FAM114A1: variants seen among roughly 807,000 people sequenced by gnomAD.
The protein encoded by FAM114A1 is family with sequence similarity 114 member A1, also known as protein NOXP20.
Under a neutral mutation model 64.3 loss-of-function variants are expected in FAM114A1, and 62 were observed. The ratio of observed to expected loss-of-function variants is 0.96; its 90% CI spans 0.79 to 1.19. The LOEUF (loss-of-function observed/expected upper bound fraction) is 1.19, where lower values mean the gene tolerates loss of function less well. FAM114A1 is among the 50% of genes most tolerant of loss of function. The pLI, the probability that FAM114A1 is intolerant of heterozygous loss-of-function variation, is 0.00. For synonymous variants in FAM114A1, 254 were observed against 251.1 expected, an observed-to-expected ratio of 1.01 and a Z score of -0.11; for missense variants, 645 against 676.3, an observed-to-expected ratio of 0.95 and a Z score of 0.51.
At chr4:38,931,883 C>T (rs529643856) in intron 11 of FAM114A1, among the ~76,000 whole-genome samples, 58 of 152,206 alleles carry the variant, frequency 3.8e-4, no homozygotes, top group African/African-American at 1.3e-3. Flanking sequence ...TAAACCTGGG[C>T]GGTGGAGGTT....
chr4:38,922,792 T>C lies in FAM114A1; in HGVS notation c.968T>C (p.Leu323Pro). ...CAGGTTCAGTCATTTTTAGCATCAC[T>C]TGATGGAGAGAAGCTGGAACTCTTA... ...ESKVQSFLAS[L>P]DGEKLELLKN... Residue 323 changes from leucine to proline, a missense_variant, in exon 9 of 15, where the codon CTT becomes CCT. Physicochemically the swap from Leu to Pro is moderately conservative, Grantham distance 98. Coordinates refer to ENST00000358869, the MANE Select transcript of FAM114A1 (RefSeq NM_138389.4). The C allele has an allele frequency of 1.2e-5, 19 of 1,612,332 alleles. No individual in the cohort carries two copies. Among genetic ancestry groups the C allele is most frequent in the Non-Finnish European group, 1.6e-5 (19 of 1,179,610 alleles).
At position 38,908,503 on chromosome 4, in the gene FAM114A1, G is replaced by A. The variant is rs931594773; in HGVS notation, c.658-89G>A. On this transcript the variant is annotated intron_variant, in intron 6 of 14. Coordinates refer to ENST00000358869, the MANE Select transcript of FAM114A1 (RefSeq NM_138389.4). ...TGACTTTATATTGATTTTAATATTT[G>A]AAGATAGTGCCAGTTACCTAGGAGT... 7.8e-6 allele frequency: 10 copies of A among 1,279,738 alleles called. No individual in the cohort carries two copies. In the African/African-American group the frequency reaches 1.2e-4, roughly 15 times the overall value. 79.3% of individuals were successfully genotyped at this position (1,279,738 alleles called of 1,614,324 possible). A position where few individuals can be genotyped will look rare whatever the true frequency, so the allele number is the denominator to read the frequency against.
intron 2 of FAM114A1, among the ~76,000 whole-genome samples, chr4:38,871,086 C>CTTTTTT (rs9306968): frequency 1.6e-4 from 15 of 94,036 alleles, no homozygotes; most frequent in South Asian, 6.8e-4. Flanking sequence ...TTTTTTCTTT[C>CTTTTTT]TTTTTTTTTT....
At chr4:38,943,085 C>T (rs181565505) in intron 14 of FAM114A1, among the ~76,000 whole-genome samples, 11 of 151,450 alleles carry the variant, frequency 7.3e-5, no homozygotes, top group South Asian at 2.1e-4. Context: ...CCCAGCTACT[C>T]GAGAGGCTGA....
At chr4:38,899,082 C>T (rs1313711598) in intron 4 of FAM114A1, among the ~76,000 whole-genome samples, 2 of 150,606 alleles carry the variant, frequency 1.3e-5, no homozygotes, top group African/African-American at 4.9e-5. Flanking sequence ...TACTATGCAG[C>T]CATTAAAAAG....
At position 38,908,740 on chromosome 4, in the gene FAM114A1, C is replaced by T. The variant is rs756922787; in HGVS notation, c.792+14C>T. On this transcript the variant is annotated intron_variant, in intron 7 of 14. Coordinates refer to ENST00000358869, the MANE Select transcript of FAM114A1 (RefSeq NM_138389.4). ...TCCTTGTCTCAGGTTGGATTATATACGTTTGCAATTTTTTCTTTCAGTCAA... is the reference window on the plus strand; with the variant it reads ...TCCTTGTCTCAGGTTGGATTATATATGTTTGCAATTTTTTCTTTCAGTCAA... 1.8e-5 allele frequency: 28 copies of T among 1,540,226 alleles called. No individual in the cohort carries two copies. Among genetic ancestry groups the T allele is most frequent in the Admixed American group, 9.1e-5 (5 of 54,942 alleles).
At chr4:38,880,577 C>G (rs988441035) in intron 3 of FAM114A1, among the ~76,000 whole-genome samples, 2 of 152,160 alleles carry the variant, frequency 1.3e-5, no homozygotes, top group Non-Finnish European at 2.9e-5. Flanking sequence ...AGATGGACCA[C>G]TAGATTATGT....
intron 8 of FAM114A1, among the ~76,000 whole-genome samples, chr4:38,920,887 T>C (rs1719526080): frequency 1.3e-5 from 2 of 152,306 alleles, no homozygotes; most frequent in South Asian, 4.1e-4. Flanking sequence ...CCTGCTGAAC[T>C]CCACGCTAAT....
At chr4:38,936,710 G>C (rs886753444) in intron 13 of FAM114A1, among the ~76,000 whole-genome samples, 4 of 151,930 alleles carry the variant, frequency 2.6e-5, no homozygotes, top group African/African-American at 9.7e-5. Flanking sequence ...ACGCCACCAC[G>C]CCCAGCTAAC....
intron 1 of FAM114A1, chr4:38,868,040 C>A: frequency 2.3e-6 from 1 of 426,002 alleles, no homozygotes; most frequent in Non-Finnish European, 4.8e-6. Flanking sequence ...GAGGGACCTG[C>A]GTGGGTGCGG....
chr4:38,894,555 G>A (rs532313149), intron 4 of FAM114A1, among the ~76,000 whole-genome samples: 1 of 152,274 alleles, frequency 6.6e-6, no homozygotes, highest in African/African-American at 2.4e-5. Context: ...AGAGGCCTTG[G>A]AGCACAGTCC....
At chr4:38,931,320 C>A in intron 10 of FAM114A1, 131 bp from the exon 11 acceptor site, 1 of 1,085,028 alleles carries the variant, frequency 9.2e-7, no homozygotes, top group Non-Finnish European at 1.3e-6. Flanking sequence ...AAAAATTGCC[C>A]CGTCATCCTC....
chr4:38,937,845 A>G (rs1182006823), intron 13 of FAM114A1, among the ~76,000 whole-genome samples: 1 of 151,854 alleles, frequency 6.6e-6, no homozygotes, highest in Non-Finnish European at 1.5e-5. Context: ...AGTGATTCTC[A>G]TGCCTCAGCC....
chr4:38,941,254 G>A (rs200317274), intron 14 of FAM114A1, among the ~76,000 whole-genome samples: 7 of 152,190 alleles, frequency 4.6e-5, no homozygotes, highest in South Asian at 2.1e-4. Context: ...AAGCTTGCAC[G>A]TTATTTCTGT....
At chr4:38,928,128 G>C (rs1720311412) in intron 9 of FAM114A1, among the ~76,000 whole-genome samples, 1 of 150,282 alleles carries the variant, frequency 6.7e-6, no homozygotes, top group African/African-American at 2.5e-5. Flanking sequence ...CAACCATTTT[G>C]TCCATAAAAC....
chr4:38,880,089 A>AG (rs1310712416), intron 3 of FAM114A1, among the ~76,000 whole-genome samples: 5,317 of 95,132 alleles, frequency 0.056, 155 homozygotes, highest in Non-Finnish European at 0.071. Context: ...AAAATAAAAT[A>AG]AAATAAAATA....
intron 14 of FAM114A1, among the ~76,000 whole-genome samples, chr4:38,942,538 TG>T (rs1721653974): frequency 6.6e-6 from 1 of 152,192 alleles, no homozygotes; most frequent in African/African-American, 2.4e-5. Flanking sequence ...TGAGGTCAAA[TG>T]TTTTTTCCGT....
intron 7 of FAM114A1, 74 bp downstream of exon 7, chr4:38,908,800 T>C (rs995985220): frequency 4.4e-6 from 6 of 1,368,276 alleles, no homozygotes; most frequent in Admixed American, 2.2e-5. Context: ...TCTTTTTGAA[T>C]AGCTCATTTA....
intron 4 of FAM114A1, among the ~76,000 whole-genome samples, chr4:38,893,594 C>G (rs577083131): frequency 1.3e-5 from 2 of 152,350 alleles, no homozygotes; most frequent in East Asian, 3.9e-4. Context: ...TGTAACTGCT[C>G]TAGCCCTGGT....
Sources: allele counts gnomAD v4.1 joint callset (sites outside exome capture counted in the v4.1 genomes callset), GRCh38; gene constraint gnomAD v4.1.1; transcripts MANE v1.5; gene names NCBI Gene and HGNC (gene_info 2026-07-23, HGNC 2026-07-21).